Variants in SMYD2 observed in about 807,000 individuals in gnomAD.
SMYD2 encodes the protein N-lysine methyltransferase SMYD2.
SMYD2 carries 53 observed loss-of-function variants against 59.1 expected under a neutral mutation model. The observed-to-expected ratio is 0.90, with a 90% CI of 0.72 to 1.13. The LOEUF (loss-of-function observed/expected upper bound fraction) is 1.13. Among genes scored for constraint, SMYD2 ranks in the 50% most tolerant of loss-of-function variants. The pLI is 0.00. For synonymous variants in SMYD2, 208 were observed against 198.8 expected, an observed-to-expected ratio of 1.05 and a Z score of -0.39; for missense variants, 494 against 544.7, an observed-to-expected ratio of 0.91 and a Z score of 0.93.
chr1:214,282,023 G>T (rs1656459133), intron 1 of SMYD2, among the ~76,000 whole-genome samples: 3 of 152,254 alleles, frequency 2.0e-5, no homozygotes, highest in Admixed American at 2.0e-4. Context: ...GTGCTGCGAC[G>T]ATGAGTTGCA....
intron 2 of SMYD2, among the ~76,000 whole-genome samples, chr1:214,313,914 C>T (rs1431911373): frequency 2.0e-5 from 3 of 152,132 alleles, no homozygotes; most frequent in African/African-American, 7.2e-5. Context: ...CACGGTGGCT[C>T]ACGCCTGTAA....
intron 1 of SMYD2, among the ~76,000 whole-genome samples, chr1:214,290,723 C>G (rs902014498): frequency 6.6e-6 from 1 of 151,958 alleles, no homozygotes; most frequent in East Asian, 1.9e-4. Context: ...ATCTGGCTGT[C>G]CAAAAAGATA....
rs148065859 is a variant in SMYD2, at chr1:214,319,762, C to T, written c.534+779C>T. Among the ~76,000 whole-genome samples, 439 of 152,296 alleles carry T rather than the reference C, an allele frequency of 2.9e-3. 3 individuals are homozygous for T. Among genetic ancestry groups the T allele is most frequent in the African/African-American group, 9.9e-3 (412 of 41,560 alleles). ...CTCTCATATGCCTTTGCGATGCCCTCTACAAACTGGGCATCTAGTTTAAAG... is the reference window on the plus strand; with the variant it reads ...CTCTCATATGCCTTTGCGATGCCCTTTACAAACTGGGCATCTAGTTTAAAG... On this transcript the variant is annotated intron_variant, in intron 5 of 11. Coordinates refer to ENST00000366957, the MANE Select transcript of SMYD2 (RefSeq NM_020197.3).
At chr1:214,299,027 T>G (rs1656777295) in intron 1 of SMYD2, among the ~76,000 whole-genome samples, 1 of 152,094 alleles carries the variant, frequency 6.6e-6, no homozygotes, top group African/African-American at 2.4e-5. Flanking sequence ...AGTGTGTCCC[T>G]GTGGTCCCAG....
chr1:214,336,487 G>C (rs11580360), intron 11 of SMYD2, among the ~76,000 whole-genome samples: 1 of 152,096 alleles, frequency 6.6e-6, no homozygotes, highest in Non-Finnish European at 1.5e-5. Context: ...AGCGGAGATC[G>C]CACCACTGCA....
rs964569219 is a variant in SMYD2 at position 214,324,571 on chromosome 1, A to T, written c.535-70A>T. On this transcript the variant is annotated intron_variant, in intron 5 of 11. Coordinates refer to ENST00000366957, the MANE Select transcript of SMYD2 (RefSeq NM_020197.3). ...CCTAATTTGTTAAAAGTCAAAATTTAAAAAAATGATCTCTACCCAGAAAGA... is the reference window on the plus strand; with the variant it reads ...CCTAATTTGTTAAAAGTCAAAATTTTAAAAAATGATCTCTACCCAGAAAGA... 1.8e-5 allele frequency: 24 copies of T among 1,355,048 alleles called. 1 individual carries two copies. Among genetic ancestry groups the T allele is most frequent in the Admixed American group, 8.6e-5 (4 of 46,612 alleles). The allele number at this position is 1,355,048 out of a possible 1,614,324, so 83.9% of individuals were successfully genotyped here.
chr1:214,305,306 C>T, intron 2 of SMYD2, 56 bp downstream of exon 2: 1 of 1,503,530 alleles, frequency 6.7e-7, no homozygotes, highest in Non-Finnish European at 9.3e-7. Context: ...TCCTCCTCTT[C>T]CTTGTCATGG....
At chr1:214,293,014 TG>T (rs1368846672) in intron 1 of SMYD2, among the ~76,000 whole-genome samples, 12 of 296 alleles carry the variant, frequency 0.041, no homozygotes, top group African/African-American at 0.15. Flanking sequence ...TTTCTGTTTG[TG>T]TGTGTGTGTG....
At chr1:214,286,038 T>C (rs1656532769) in intron 1 of SMYD2, among the ~76,000 whole-genome samples, 2 of 152,244 alleles carry the variant, frequency 1.3e-5, no homozygotes, top group South Asian at 4.1e-4. Context: ...TGTTAGTGCA[T>C]GACCTTATTT....
In SMYD2 at chr1:214,294,033, C is replaced by T. The variant is rs78315837; in HGVS notation, c.174-11154C>T. The stretch of plus-strand genomic sequence containing the variant: ...TTCCCAGTATGGCTGTAGCACAGTA[C>T]TTTTGTACCTAGCAAATAACACTTT... On this transcript the variant is annotated intron_variant, in intron 1 of 11. Coordinates refer to ENST00000366957, the MANE Select transcript of SMYD2 (RefSeq NM_020197.3). 8.8e-4 allele frequency among the ~76,000 whole-genome samples: 134 copies of T among 152,026 alleles called. 1 individual carries two copies. The highest frequency in any genetic ancestry group is 6.8e-3 in the Middle Eastern group (2 of 294).
intron 2 of SMYD2, among the ~76,000 whole-genome samples, chr1:214,313,403 T>G (rs1657030352): frequency 6.6e-6 from 1 of 151,920 alleles, no homozygotes. Context: ...GGCCATTTTC[T>G]GAGCTAGGGA....
chr1:214,288,399 G>A lies in SMYD2; in HGVS notation c.173+6972G>A, dbSNP rs1015546360. On this transcript the variant is annotated intron_variant, in intron 1 of 11. Transcript: ENST00000366957. ...ATTTATTGAGTGCCTCTTAAAGGCC[G>A]GACTCCATGACCTTCAAGGATGGAG... Among the ~76,000 whole-genome samples, 8 of 152,042 alleles carry A rather than the reference G, an allele frequency of 5.3e-5. 1 individual carries two copies. Among genetic ancestry groups the A allele is most frequent in the South Asian group, 2.1e-4 (1 of 4,824 alleles).
intron 5 of SMYD2, among the ~76,000 whole-genome samples, chr1:214,319,490 G>A (rs1473378472): frequency 6.6e-6 from 1 of 152,166 alleles, no homozygotes; most frequent in Non-Finnish European, 1.5e-5. Context: ...TCCTGATGGT[G>A]GCTAAGAAAT....
rs1657128861 is a variant in SMYD2 at position 214,318,974 on chromosome 1, CTT to C, written c.527_528del (p.Phe176CysfsTer4). 1 of 1,613,960 alleles carries C rather than the reference CTT, an allele frequency of 6.2e-7. No individual in the cohort carries two copies. The highest frequency in any genetic ancestry group is 1.7e-5 in the Admixed American group (1 of 60,004). On this transcript the variant is annotated frameshift_variant, in exon 5 of 12. Transcript: ENST00000366957. LOFTEE classifies it high-confidence loss of function. This position sits in a 1 kb window ranked among gnomAD's most constrained non-coding sequence, Gnocchi z 5.4. Reference sequence around the variant, plus strand: ...CTGACAATGATAGCCTCGTAGTACTCTTTGCACAGGTAAGGACGCTGGCAGCA... The same window carrying C: ...CTGACAATGATAGCCTCGTAGTACTCTGCACAGGTAAGGACGCTGGCAGCA... Reference protein sequence around the residue: ...FPDNDSLVVLFAQVNCNGFTI... With the variant: ...FPDNDSLVVLXAQVNCNGFTI...
chr1:214,281,466 G>A (rs781166567), intron 1 of SMYD2, 39 bp downstream of exon 1: 1 of 1,340,134 alleles, frequency 7.5e-7, no homozygotes, highest in East Asian at 3.1e-5. Flanking sequence ...CGGGAGCCGG[G>A]GGCGCCGAGC....
At chr1:214,328,278 G>A (rs1271887514) in intron 7 of SMYD2, among the ~76,000 whole-genome samples, 1 of 152,180 alleles carries the variant, frequency 6.6e-6, no homozygotes, top group East Asian at 1.9e-4. Context: ...TGAACTTCAG[G>A]TCGCAGTTCA....
chr1:214,289,149 C>T (rs762758334), intron 1 of SMYD2, among the ~76,000 whole-genome samples: 58 of 152,154 alleles, frequency 3.8e-4, no homozygotes, highest in Non-Finnish European at 7.3e-4. Flanking sequence ...CCAGGGCTCA[C>T]TGCTATAGTT....
chr1:214,303,794 C>T (rs573676923), intron 1 of SMYD2, among the ~76,000 whole-genome samples: 5 of 152,182 alleles, frequency 3.3e-5, no homozygotes, highest in Non-Finnish European at 5.9e-5. Context: ...CCACCGCGCA[C>T]GCCCCCGCCC....
chr1:214,307,058 A>G (rs1382721082), intron 2 of SMYD2, among the ~76,000 whole-genome samples: 3 of 152,236 alleles, frequency 2.0e-5, no homozygotes, highest in African/African-American at 7.2e-5. Context: ...CTGTAATCCC[A>G]GCTACTCTGG....
Sources: allele counts gnomAD v4.1 joint callset (sites outside exome capture counted in the v4.1 genomes callset), GRCh38; gene constraint gnomAD v4.1.1; non-coding constraint Gnocchi (gnomAD v3.1); transcripts MANE v1.5; gene names NCBI Gene and HGNC (gene_info 2026-07-23, HGNC 2026-07-21).